The following TENM4 variants were observed in gnomAD, a reference collection of about 807,000 sequenced individuals.
TENM4 encodes the protein teneurin transmembrane protein 4.
A neutral mutation model predicts 243.3 loss-of-function variants in TENM4; 82 were observed. The observed-to-expected ratio is 0.34, with a 90% confidence interval of 0.28 to 0.40. The LOEUF is 0.40. TENM4 is among the 10% of genes least tolerant of loss of function. The pLI, the probability that TENM4 is intolerant of heterozygous loss-of-function variation, is 1.00. For missense variants in TENM4, 3,138 were observed against 3,673.3 expected (o/e 0.85, Z 3.77); for synonymous variants, 1,412 against 1,456.3 (o/e 0.97, Z 0.69).
chr11:78,939,336 G>T (rs187855112), intron 6 of TENM4, among the ~76,000 whole-genome samples: 4 of 152,154 alleles, frequency 2.6e-5, no homozygotes, highest in Non-Finnish European at 4.4e-5. Flanking sequence ...ATATAATCAC[G>T]CTCAAACTTT....
intron 13 of TENM4, among the ~76,000 whole-genome samples, chr11:78,812,536 A>G (rs1172207555): frequency 6.6e-6 from 1 of 152,232 alleles, no homozygotes; most frequent in Non-Finnish European, 1.5e-5. Context: ...AGGGCCTGGC[A>G]GGGTAGGTAT....
intron 6 of TENM4, among the ~76,000 whole-genome samples, chr11:78,997,720 G>C (rs1311039959): frequency 2.0e-5 from 3 of 152,214 alleles, no homozygotes; most frequent in African/African-American, 4.8e-5. Context: ...AAGTCAGCAA[G>C]AGAAAGCTAA....
At chr11:79,435,476 A>G (rs1275496918) in intron 1 of TENM4, among the ~76,000 whole-genome samples, 1 of 152,216 alleles carries the variant, frequency 6.6e-6, no homozygotes. Context: ...GTAAGAAGGC[A>G]GGTAGAAATC....
In TENM4 at chr11:78,729,656, G is replaced by A; in HGVS notation, c.3139-13C>T. On this transcript the variant is annotated splice_polypyrimidine_tract_variant and intron_variant, in intron 21 of 33. Transcript: ENST00000278550. ...CCTCCTGCAAAGCCTAGAAAGCAGA[G>A]GCAGATCACAGCAAGGGACGGTCGT... The A allele has an allele frequency of 6.3e-7, 1 of 1,599,744 alleles. No homozygotes were observed. The highest frequency in any genetic ancestry group is 8.5e-7 in the Non-Finnish European group (1 of 1,171,638).
intron 6 of TENM4, among the ~76,000 whole-genome samples, chr11:79,004,131 G>C (rs1029478193): frequency 2.0e-5 from 3 of 152,218 alleles, no homozygotes; most frequent in African/African-American, 7.2e-5. Context: ...GGAGAACTCA[G>C]ATTCATAAAG....
intron 1 of TENM4, among the ~76,000 whole-genome samples, chr11:79,417,856 C>G (rs1230777507): frequency 6.6e-6 from 1 of 152,168 alleles, no homozygotes; most frequent in Non-Finnish European, 1.5e-5. Context: ...CTCCACATTT[C>G]CCTACTCAGA....
chr11:78,865,641 G>A (rs543749122), intron 9 of TENM4, among the ~76,000 whole-genome samples: 2 of 152,294 alleles, frequency 1.3e-5, no homozygotes, highest in African/African-American at 2.4e-5. Context: ...CTACCGAGGA[G>A]ACTGGAGCAC....
In TENM4 at chr11:79,283,526, A is replaced by C. The variant is rs568897291; in HGVS notation, c.-265+13962T>G. Among the ~76,000 whole-genome samples, 21 of 152,250 alleles carry C rather than the reference A, an allele frequency of 1.4e-4. No individual in the cohort carries two copies. In the South Asian group the frequency reaches 4.1e-3, roughly 30 times the overall value. ...ACAAAATCTAACATCCTTTTGTGAC[A>C]AAAAAACCCAACAAACTATAAATAG... On this transcript the variant is annotated intron_variant, in intron 2 of 33. Coordinates refer to ENST00000278550, the MANE Select transcript of TENM4 (RefSeq NM_001098816.3).
At position 78,903,296 on chromosome 11, in the gene TENM4, G is replaced by C; in HGVS notation, c.721C>G (p.Leu241Val). The C allele has an allele frequency of 6.7e-7, 1 of 1,488,490 alleles. No homozygotes were observed. Among genetic ancestry groups the C allele is most frequent in the Non-Finnish European group, 8.9e-7 (1 of 1,122,850 alleles). The allele number at this position is 1,488,490 out of a possible 1,614,324, so 92.2% of individuals were successfully genotyped here. Residue 241 changes from leucine to valine, a missense_variant, in exon 7 of 34, where the codon CTC (leucine) becomes GTC (valine). Transcript: ENST00000278550. ...EPAHAQENWL[L>V]NSNIPLETRN... ...GTCTCCAGGGGGATGTTGCTGTTGA[G>C]CAGCCAGTTCTCCTGGGCGTGGGCA... is the stretch of plus-strand genomic sequence containing the variant.
chr11:79,263,103 T>C (rs1855826186), intron 2 of TENM4, among the ~76,000 whole-genome samples: 1 of 152,214 alleles, frequency 6.6e-6, no homozygotes, highest in African/African-American at 2.4e-5. Context: ...TGTCTCTCCA[T>C]CTGCTATCTA....
At position 78,657,763 on chromosome 11, in the gene TENM4, A is replaced by T; in HGVS notation, c.*295T>A. 2.0e-6 allele frequency: 1 copy of T among 500,058 alleles called. No individual in the cohort carries two copies. Among genetic ancestry groups the T allele is most frequent in the Non-Finnish European group, 3.6e-6 (1 of 277,270 alleles). 31.0% of individuals were successfully genotyped at this position (500,058 alleles called of 1,614,324 possible). On this transcript the variant is annotated 3_prime_UTR_variant, in exon 34 of 34. Coordinates refer to ENST00000278550, the MANE Select transcript of TENM4 (RefSeq NM_001098816.3). The stretch of plus-strand genomic sequence containing the variant: ...GAGATGCATCTCAGAGAGGAGATAC[A>T]TACCCCAAACGACAAGGGAAAAATC...
chr11:79,230,710 C>T (rs1246380446), intron 2 of TENM4, among the ~76,000 whole-genome samples: 1 of 152,084 alleles, frequency 6.6e-6, no homozygotes, highest in Non-Finnish European at 1.5e-5. Context: ...AGCAAGTATC[C>T]CAGGCCTCAT....
intron 4 of TENM4, among the ~76,000 whole-genome samples, chr11:79,132,053 C>T (rs1039192699): frequency 4.6e-5 from 7 of 151,768 alleles, no homozygotes; most frequent in South Asian, 2.1e-4. Flanking sequence ...AATAGACCTA[C>T]GAAATAAGGC....
At chr11:79,196,198 G>A (rs1172266359) in intron 3 of TENM4, among the ~76,000 whole-genome samples, 2 of 152,010 alleles carry the variant, frequency 1.3e-5, no homozygotes, top group Admixed American at 6.6e-5. Context: ...TATCGGCAGC[G>A]TGAAAACAGA....
chr11:79,035,378 A>G (rs532352862), intron 6 of TENM4, among the ~76,000 whole-genome samples: 1 of 152,314 alleles, frequency 6.6e-6, no homozygotes, highest in Admixed American at 6.5e-5. Context: ...CCATCAGTGA[A>G]GCCATTTGCA....
At chr11:78,882,721 C>T (rs1242579171) in intron 9 of TENM4, among the ~76,000 whole-genome samples, 4 of 152,234 alleles carry the variant, frequency 2.6e-5, no homozygotes, top group Non-Finnish European at 5.9e-5. Context: ...CTGCATGACC[C>T]AGGGTCTTCC....
rs1260024596 is a variant in TENM4, at chr11:79,064,990, G to A, written c.241C>T (p.Arg81Trp). The change falls in exon 6 of 34, where the codon CGG (arginine) becomes TGG (tryptophan). Residue 81 changes from arginine (R) to tryptophan (W), a missense_variant. By Grantham distance (101) the Arg-to-Trp change is moderately radical. This residue lies in a region of TENM4 where 671 missense variants were observed against 614.1 expected (regional missense o/e 1.09). Transcript: ENST00000278550. ...GTTACTTCTTCCAGCCCCAGCTCCC[G>A]CAGGGTGAAGTTGGCACCTGGGAGG... ...FCRTGANFTL[R>W]ELGLEEVTPP... 4.1e-6 allele frequency: 6 copies of A among 1,462,032 alleles called. No individual in the cohort carries two copies. The highest frequency in any genetic ancestry group is 2.5e-5 in the East Asian group (1 of 39,732). The allele number at this position is 1,462,032 out of a possible 1,614,324, so 90.6% of individuals were successfully genotyped here.
At chr11:79,160,232 G>A (rs897346512) in intron 3 of TENM4, among the ~76,000 whole-genome samples, 1 of 152,098 alleles carries the variant, frequency 6.6e-6, no homozygotes, top group Non-Finnish European at 1.5e-5. Flanking sequence ...GATCTGTGCA[G>A]GCATATCTCC....
chr11:78,871,825 C>A (rs1483287652), intron 9 of TENM4, among the ~76,000 whole-genome samples: 6 of 152,120 alleles, frequency 3.9e-5, no homozygotes, highest in African/African-American at 9.7e-5. Flanking sequence ...TCTGCCCCCC[C>A]AGAACCTGGT....
Sources: allele counts gnomAD v4.1 joint callset (sites outside exome capture counted in the v4.1 genomes callset), GRCh38; gene constraint gnomAD v4.1.1; regional missense constraint gnomAD v4.1.1; transcripts MANE v1.5; gene names NCBI Gene and HGNC (gene_info 2026-07-23, HGNC 2026-07-21).